CNTNAP3B: variants seen among roughly 807,000 people sequenced by gnomAD.
CNTNAP3B encodes the protein contactin-associated protein-like 3B.
Under a neutral mutation model 108.9 loss-of-function variants are expected in CNTNAP3B, and 25 were observed. The observed-to-expected ratio is 0.23, with a 90% confidence interval of 0.17 to 0.32. CNTNAP3B has a LOEUF of 0.32. CNTNAP3B is among the 10% of genes least tolerant of loss of function. The pLI, the probability that CNTNAP3B is intolerant of heterozygous loss-of-function variation, is 1.00. For missense variants in CNTNAP3B, 252 were observed against 1,210.4 expected, an observed-to-expected ratio of 0.21 and a Z score of 11.75; for synonymous variants, 103 against 473.4, an observed-to-expected ratio of 0.22 and a Z score of 10.16.
chr9:41,926,962 G>C (rs902528096), intron 15 of CNTNAP3B, among the ~76,000 whole-genome samples: 1 of 152,302 alleles, frequency 6.6e-6, no homozygotes, highest in Non-Finnish European at 1.5e-5. Context: ...CAATAGGCAG[G>C]GGAAAAAGCT....
intron 11 of CNTNAP3B, among the ~76,000 whole-genome samples, chr9:41,961,895 A>C (rs1202015903): frequency 6.6e-6 from 1 of 152,296 alleles, no homozygotes; most frequent in East Asian, 1.9e-4. Flanking sequence ...GACATTGCTA[A>C]TCTTTATTTT....
intron 3 of CNTNAP3B, among the ~76,000 whole-genome samples, chr9:42,030,813 G>T (rs199721419): frequency 2.1e-4 from 14 of 65,736 alleles, no homozygotes; most frequent in East Asian, 1.0e-3. Context: ...GAGAGAGAGA[G>T]GAGAGAGAGA....
rs1318514446 is a variant in CNTNAP3B at position 41,924,315 on chromosome 9, A to C, written c.2366-222T>G. Among the ~76,000 whole-genome samples, 23 of 152,412 alleles carry C rather than the reference A, an allele frequency of 1.5e-4. No homozygotes were observed. In the South Asian group the frequency reaches 4.8e-3, roughly 32 times the overall value. On this transcript the variant is annotated intron_variant, in intron 15 of 23. Transcript: ENST00000377561. ...TCTGTGTTCAGAGAAGGCCAAACAA[A>C]AGCGAAGCAAAAGCAATGAGACCAG...
intron 12 of CNTNAP3B, among the ~76,000 whole-genome samples, chr9:41,955,910 G>T (rs1405786247): frequency 6.6e-6 from 1 of 152,246 alleles, no homozygotes; most frequent in Non-Finnish European, 1.5e-5. Flanking sequence ...AATTAAAAAT[G>T]CATTTTAATA....
At position 42,118,198 on chromosome 9, in the gene CNTNAP3B, C is replaced by T. The variant is rs1217666229; in HGVS notation, c.85+10812G>A. Among the ~76,000 whole-genome samples the T allele has an allele frequency of 2.7e-4, 37 of 139,400 alleles. 4 individuals carry two copies. The highest frequency in any genetic ancestry group is 4.6e-4 in the Non-Finnish European group (30 of 64,970). The allele number at this position is 139,400 out of a possible 152,430, so 91.5% of individuals were successfully genotyped here. A position where few individuals can be genotyped will look rare whatever the true frequency, so the allele number is the denominator to read the frequency against. On this transcript the variant is annotated intron_variant, in intron 1 of 23. Coordinates refer to ENST00000377561, the MANE Select transcript of CNTNAP3B (RefSeq NM_001201380.3). ...TTATGAGGCCAGCATCATCCTGATA[C>T]CAAAGCCTGGCAGAGACACAAACAA...
At chr9:42,114,941 C>T (rs1163633298) in intron 1 of CNTNAP3B, among the ~76,000 whole-genome samples, 3 of 135,298 alleles carry the variant, frequency 2.2e-5, no homozygotes, top group African/African-American at 8.9e-5. Flanking sequence ...GCAATCCCAG[C>T]TACTCGGGAG....
intron 13 of CNTNAP3B, among the ~76,000 whole-genome samples, chr9:41,941,136 G>A (rs1264917437): frequency 2.6e-5 from 4 of 151,046 alleles, no homozygotes; most frequent in Non-Finnish European, 5.9e-5. Context: ...TTCATTATGA[G>A]AGTGAAGATA....
intron 14 of CNTNAP3B, among the ~76,000 whole-genome samples, chr9:41,935,174 G>A (rs1417778735): frequency 2.0e-5 from 3 of 152,278 alleles, no homozygotes; most frequent in African/African-American, 4.8e-5. Context: ...ATAAATCTTT[G>A]GCATGTTATA....
chr9:41,926,294 C>A (rs973473377), intron 15 of CNTNAP3B, among the ~76,000 whole-genome samples: 1 of 152,098 alleles, frequency 6.6e-6, no homozygotes, highest in Non-Finnish European at 1.5e-5. Flanking sequence ...TGACCCTATC[C>A]CTGCAGATCC....
At chr9:41,941,247 C>G (rs1824333497) in intron 13 of CNTNAP3B, among the ~76,000 whole-genome samples, 2 of 149,168 alleles carry the variant, frequency 1.3e-5, no homozygotes, top group African/African-American at 5.0e-5. Context: ...TAAAATATAA[C>G]AAAAGTTAGA....
intron 13 of CNTNAP3B, among the ~76,000 whole-genome samples, chr9:41,944,644 C>T (rs1824469816): frequency 6.6e-6 from 1 of 151,462 alleles, no homozygotes; most frequent in South Asian, 2.1e-4. Context: ...GAAACAAGGG[C>T]AACAAATAAA....
At chr9:42,125,453 G>T (rs553221834) in intron 1 of CNTNAP3B, among the ~76,000 whole-genome samples, 1 of 141,794 alleles carries the variant, frequency 7.1e-6, no homozygotes, top group African/African-American at 2.8e-5. Flanking sequence ...CAGCATGGAT[G>T]CCTAAGCTGA....
At chr9:42,085,819 T>C (rs1443989988) in intron 2 of CNTNAP3B, among the ~76,000 whole-genome samples, 1 of 140,882 alleles carries the variant, frequency 7.1e-6, no homozygotes, top group Admixed American at 7.1e-5. Flanking sequence ...GGGACGGCAT[T>C]CTTCATTAAG....
chr9:41,940,972 A>G (rs1824325036), intron 13 of CNTNAP3B, among the ~76,000 whole-genome samples: 1 of 152,264 alleles, frequency 6.6e-6, no homozygotes, highest in Non-Finnish European at 1.5e-5. Flanking sequence ...TGAAAAGAGA[A>G]GAAATATGGA....
chr9:41,941,203 G>C (rs774522165), intron 13 of CNTNAP3B, among the ~76,000 whole-genome samples: 8,304 of 141,402 alleles, frequency 0.059, 22 homozygotes, highest in Middle Eastern at 0.1. Flanking sequence ...CAACGAGTAA[G>C]AAAATTATAA....
rs1261319868 is a variant in CNTNAP3B at position 42,002,815 on chromosome 9, C to T, written c.539-4211G>A. ...CTTTAGACTCCTGCAAAGTATGACG[C>T]TTCTGAAAAGCTAAGACATAAGTAA... On this transcript the variant is annotated intron_variant, in intron 4 of 23. Transcript: ENST00000377561. Among the ~76,000 whole-genome samples, 2 of 133,270 alleles carry T rather than the reference C, an allele frequency of 1.5e-5. 1 individual carries two copies. Among genetic ancestry groups the T allele is most frequent in the Non-Finnish European group, 3.2e-5 (2 of 62,966 alleles). The allele number at this position is 133,270 out of a possible 152,430, so 87.4% of individuals were successfully genotyped here. A position where few individuals can be genotyped will look rare whatever the true frequency, so the allele number is the denominator to read the frequency against.
At chr9:41,982,119 C>A (rs1587173930) in intron 9 of CNTNAP3B, among the ~76,000 whole-genome samples, 6 of 72,112 alleles carry the variant, frequency 8.3e-5, no homozygotes, top group African/African-American at 1.3e-4. Context: ...TGGAAGATAA[C>A]CTAGGAAATA....
At chr9:42,028,851 T>C (rs1334745192) in intron 3 of CNTNAP3B, among the ~76,000 whole-genome samples, 1 of 151,726 alleles carries the variant, frequency 6.6e-6, no homozygotes, top group East Asian at 1.9e-4. Flanking sequence ...CATCTGAAAT[T>C]TGTTGAAATC....
intron 13 of CNTNAP3B, among the ~76,000 whole-genome samples, chr9:41,941,963 A>G (rs998190046): frequency 3.9e-5 from 6 of 152,280 alleles, no homozygotes; most frequent in Non-Finnish European, 7.3e-5. Context: ...CATTTTTGAA[A>G]TAAGCGCTGA....
Sources: allele counts gnomAD v4.1 joint callset (sites outside exome capture counted in the v4.1 genomes callset), GRCh38; gene constraint gnomAD v4.1.1; transcripts MANE v1.5; gene names NCBI Gene and HGNC (gene_info 2026-07-23, HGNC 2026-07-21).